BICD1: variants seen among roughly 807,000 people sequenced by gnomAD.
BICD1 encodes the protein protein bicaudal D homolog 1.
BICD1 carries 35 observed loss-of-function variants against 92.5 expected under a neutral mutation model. The observed-to-expected ratio is 0.38, with a 90% confidence interval of 0.29 to 0.50. BICD1 has a LOEUF of 0.50. BICD1 is among the 20% of genes least tolerant of loss of function. The pLI is 0.93. For synonymous variants in BICD1, 429 were observed against 465.1 expected (o/e 0.92, Z 1.00); for missense variants, 950 against 1,189.8 (o/e 0.80, Z 2.97).
At chr12:32,370,164 C>T (rs1939678736) in intron 9 of BICD1, among the ~76,000 whole-genome samples, 1 of 151,944 alleles carries the variant, frequency 6.6e-6, no homozygotes, top group African/African-American at 2.4e-5. Context: ...GTCAAGAGAT[C>T]GAGACCACCT....
chr12:32,127,220 C>T (rs923934711), intron 1 of BICD1, among the ~76,000 whole-genome samples: 1 of 152,062 alleles, frequency 6.6e-6, no homozygotes, highest in African/African-American at 2.4e-5. Flanking sequence ...TTAAGAAATC[C>T]TTTCCATGAA....
At chr12:32,242,036 C>G (rs1946249800) in intron 2 of BICD1, among the ~76,000 whole-genome samples, 1 of 146,620 alleles carries the variant, frequency 6.8e-6, no homozygotes, top group African/African-American at 2.6e-5. Flanking sequence ...CTCTCCAAAA[C>G]AAACAAACAA....
chr12:32,192,256 C>G (rs991879746), intron 1 of BICD1, among the ~76,000 whole-genome samples: 2 of 151,848 alleles, frequency 1.3e-5, no homozygotes, highest in African/African-American at 4.8e-5. Context: ...ATGGTGAAAC[C>G]CCATCTCTAC....
At chr12:32,367,546 A>G in intron 8 of BICD1, 124 bp from the exon 9 acceptor site, 1 of 790,956 alleles carries the variant, frequency 1.3e-6, no homozygotes, top group East Asian at 2.6e-5. Flanking sequence ...AAGCTGAATC[A>G]GGATATTTCT....
In BICD1 at chr12:32,337,637, A is replaced by T; in HGVS notation, c.2391A>T (p.Leu797Phe). 1 of 1,614,174 alleles carries T rather than the reference A, an allele frequency of 6.2e-7. No homozygotes were observed. Among genetic ancestry groups the T allele is most frequent in the Middle Eastern group, 1.6e-4 (1 of 6,062 alleles). ...CCCTGACCCAGAGGCTGGAGGACTT[A>T]GAGTTTGACCATGAGCAGTCCCGAC... ...KLALTQRLED[L>F]EFDHEQSRRS... is the part of the protein sequence containing the mutation. Residue 797 changes from leucine to phenylalanine, a missense_variant, in exon 7 of 10, where the codon TTA (leucine) becomes TTT (phenylalanine). Transcript: ENST00000652176. The surrounding 1 kb of genome is among the most constrained non-coding windows in gnomAD (Gnocchi z 4.7).
At position 32,305,986 on chromosome 12, in the gene BICD1, A is replaced by G. The variant is rs1565657695; in HGVS notation, c.869A>G (p.His290Arg). 5.0e-6 allele frequency: 8 copies of G among 1,614,224 alleles called. No individual in the cohort carries two copies. Among genetic ancestry groups the G allele is most frequent in the Non-Finnish European group, 5.1e-6 (6 of 1,180,038 alleles). Residue 290 changes from histidine (H) to arginine (R), a missense_variant, in exon 4 of 10, where the codon CAT becomes CGT. His to Arg is a conservative substitution (Grantham distance 29, BLOSUM62 0). Coordinates refer to ENST00000652176, the MANE Select transcript of BICD1 (RefSeq NM_001714.4). ...NNDDKMNGHI[H>R]GPLVKLNGDY... ...GATGACAAAATGAACGGTCATATCC[A>G]TGGGCCTCTTGTGAAACTGAATGGA...
intron 1 of BICD1, among the ~76,000 whole-genome samples, chr12:32,121,812 AT>A (rs77883866): frequency 0.33 from 46,054 of 139,432 alleles, 7,650 homozygotes; most frequent in African/African-American, 0.45. Flanking sequence ...AGTTTGTCAA[AT>A]TTTTTTTTTT....
In BICD1 at chr12:32,262,283, G is replaced by A. The variant is rs1207904970; in HGVS notation, c.427-31711G>A. Among the ~76,000 whole-genome samples, 5 of 151,864 alleles carry A rather than the reference G, an allele frequency of 3.3e-5. No individual in the cohort carries two copies. In the South Asian group the frequency reaches 1.0e-3, roughly 32 times the overall value. ...GTGTCTACATCTGAGCCTGAAATTG[G>A]AGAGTCCTTGGCTACTCTATAATCT... On this transcript the variant is annotated intron_variant, in intron 2 of 9. Coordinates refer to ENST00000652176, the MANE Select transcript of BICD1 (RefSeq NM_001714.4).
chr12:32,216,506 A>T (rs780292487), intron 2 of BICD1, 47 bp downstream of exon 2: 1 of 1,576,770 alleles, frequency 6.3e-7, no homozygotes, highest in East Asian at 2.3e-5. Flanking sequence ...GGGAGAAATA[A>T]GAAAGTTCTC....
In BICD1 at chr12:32,380,064, A is replaced by T. The variant is rs986106429; in HGVS notation, c.*2437A>T. ...GGGAAAGTCTTTTTCTGAAATACTA[A>T]TTCTATGAAAATAATAATTTTAGTG... On this transcript the variant is annotated 3_prime_UTR_variant, in exon 10 of 10. Transcript: ENST00000652176. 1 of 152,214 alleles carries T rather than the reference A, an allele frequency of 6.6e-6. No homozygotes were observed. The highest frequency in any genetic ancestry group is 1.5e-5 in the Non-Finnish European group (1 of 68,044). The allele number at this position is 152,214 out of a possible 1,614,324, so 9.4% of individuals were successfully genotyped here. A position where few individuals can be genotyped will look rare whatever the true frequency, so the allele number is the denominator to read the frequency against.
At chr12:32,340,821 G>C (rs1245591019) in intron 8 of BICD1, 1 of 152,972 alleles carries the variant, frequency 6.5e-6, no homozygotes, top group Non-Finnish European at 1.5e-5. Context: ...TGTCCACTGA[G>C]GTAGTTTTTC....
In BICD1 at chr12:32,328,196, G is replaced by C; in HGVS notation, c.1741G>C (p.Val581Leu). 1.9e-6 allele frequency: 3 copies of C among 1,614,142 alleles called. No individual in the cohort carries two copies. The South Asian group carries it at 3.3e-5, about 18-fold the overall frequency. Residue 581 changes from valine to leucine, a missense_variant, in exon 5 of 10, where the codon GTT becomes CTT. This residue lies in a region of BICD1 where 309 missense variants were observed against 499.4 expected (regional missense o/e 0.62). Transcript: ENST00000652176. This position sits in a 1 kb window ranked among gnomAD's most constrained non-coding sequence, Gnocchi z 4.4. ...AGAAACAAGGACCTCATCTGAACCAGTTGCAAAAGAAAGCACAGAGGCCAG... is the reference window on the plus strand; with the variant it reads ...AGAAACAAGGACCTCATCTGAACCACTTGCAAAAGAAAGCACAGAGGCCAG... ...PVETRTSSEP[V>L]AKESTEASKE...
intron 2 of BICD1, among the ~76,000 whole-genome samples, chr12:32,268,915 T>C (rs1388975341): frequency 6.6e-6 from 1 of 152,220 alleles, no homozygotes; most frequent in African/African-American, 2.4e-5. Context: ...GCATCTGTTT[T>C]CTGGATGAGC....
chr12:32,205,736 T>G (rs1273621002), intron 1 of BICD1, among the ~76,000 whole-genome samples: 1 of 148,770 alleles, frequency 6.7e-6, no homozygotes, highest in African/African-American at 2.5e-5. Flanking sequence ...TTTTGACATA[T>G]GTATATACTT....
intron 8 of BICD1, chr12:32,340,002 CCTT>C: frequency 1.1e-6 from 1 of 878,328 alleles, no homozygotes. Context: ...CACCACTCCT[CCTT>C]ATTACTTATA....
chr12:32,192,456 AG>A (rs869184307), intron 1 of BICD1, among the ~76,000 whole-genome samples: 2,189 of 109,132 alleles, frequency 0.02, 49 homozygotes, highest in African/African-American at 0.068. Context: ...ATAAATAAAT[AG>A]ATAGATAGAT....
At chr12:32,290,003 CTAAAGTCAACTGG>C (rs1947684843) in intron 2 of BICD1, among the ~76,000 whole-genome samples, 2 of 152,144 alleles carry the variant, frequency 1.3e-5, no homozygotes, top group Admixed American at 1.3e-4. Context: ...GAGGATTAGG[CTAAAGTCAACTGG>C]TGGAGTAGGC....
chr12:32,126,148 G>A (rs553577290), intron 1 of BICD1, among the ~76,000 whole-genome samples: 1 of 151,738 alleles, frequency 6.6e-6, no homozygotes, highest in South Asian at 2.1e-4. Context: ...TTAGTTTTCC[G>A]GCCACTTAGA....
At chr12:32,345,164 C>G (rs1938519457) in intron 8 of BICD1, among the ~76,000 whole-genome samples, 1 of 151,340 alleles carries the variant, frequency 6.6e-6, no homozygotes, top group South Asian at 2.1e-4. Flanking sequence ...GGCATGCACT[C>G]ATAGTCCCAG....
Sources: allele counts gnomAD v4.1 joint callset (sites outside exome capture counted in the v4.1 genomes callset), GRCh38; gene constraint gnomAD v4.1.1; regional missense constraint gnomAD v4.1.1; non-coding constraint Gnocchi (gnomAD v3.1); transcripts MANE v1.5; gene names NCBI Gene and HGNC (gene_info 2026-07-23, HGNC 2026-07-21).